KIAA1958: variants seen among roughly 807,000 people sequenced by gnomAD.
The protein encoded by KIAA1958 is KIAA1958, also known as uncharacterized protein KIAA1958.
Under a neutral mutation model 47.2 loss-of-function variants are expected in KIAA1958, and 14 were observed. That is an observed-to-expected ratio of 0.30 (90% confidence interval 0.20 to 0.46). KIAA1958 has a LOEUF of 0.46. Ranked by LOEUF, KIAA1958 falls within the 20% of genes least tolerant of loss-of-function variation. The pLI is 1.00. For missense variants in KIAA1958, 803 were observed against 909.2 expected (o/e 0.88, Z 1.50); for synonymous variants, 354 against 353.3 (o/e 1.00, Z -0.02).
At chr9:112,651,630 A>C (rs980949429) in intron 3 of KIAA1958, among the ~76,000 whole-genome samples, 8 of 152,138 alleles carry the variant, frequency 5.3e-5, no homozygotes, top group Non-Finnish European at 7.4e-5. Context: ...TCCTGACCTC[A>C]GGTGATCCTC....
intron 1 of KIAA1958, among the ~76,000 whole-genome samples, chr9:112,557,310 A>G (rs1176396064): frequency 6.6e-6 from 1 of 152,118 alleles, no homozygotes; most frequent in Non-Finnish European, 1.5e-5. Flanking sequence ...CAAGGTGCTA[A>G]AGACAGTGCT....
intron 1 of KIAA1958, among the ~76,000 whole-genome samples, chr9:112,532,948 A>G (rs1834775327): frequency 1.3e-5 from 2 of 152,228 alleles, no homozygotes; most frequent in African/African-American, 4.8e-5. Context: ...ACCATATAAT[A>G]AAGCATTTTA....
At chr9:112,650,771 G>A (rs182214292) in intron 3 of KIAA1958, among the ~76,000 whole-genome samples, 40 of 152,214 alleles carry the variant, frequency 2.6e-4, no homozygotes, top group African/African-American at 8.7e-4. Context: ...AAAAAAGCAA[G>A]GACCAACTAT....
intron 3 of KIAA1958, among the ~76,000 whole-genome samples, chr9:112,657,051 A>G (rs1052339555): frequency 1.3e-5 from 2 of 151,904 alleles, no homozygotes; most frequent in Non-Finnish European, 2.9e-5. Context: ...TATCTATCCC[A>G]ATTTATTTCT....
chr9:112,624,513 G>T (rs947392884), intron 2 of KIAA1958, among the ~76,000 whole-genome samples: 2 of 152,194 alleles, frequency 1.3e-5, no homozygotes, highest in African/African-American at 4.8e-5. Context: ...GGGAGTTGGT[G>T]TATTTCTAGT....
intron 1 of KIAA1958, among the ~76,000 whole-genome samples, chr9:112,552,802 C>T (rs1473220968): frequency 2.6e-5 from 4 of 152,184 alleles, no homozygotes; most frequent in Non-Finnish European, 5.9e-5. Flanking sequence ...TTCAACAACT[C>T]TTAGCTCCAA....
chr9:112,512,629 A>G (rs1284981274), intron 1 of KIAA1958, among the ~76,000 whole-genome samples: 1 of 151,980 alleles, frequency 6.6e-6, no homozygotes, highest in Non-Finnish European at 1.5e-5. Flanking sequence ...CTGAGCACGT[A>G]GCATGTAAGT....
chr9:112,555,909 T>C lies in KIAA1958; in HGVS notation c.-24-18148T>C, dbSNP rs1305335767. 5.9e-5 allele frequency among the ~76,000 whole-genome samples: 9 copies of C among 152,270 alleles called. No individual in the cohort carries two copies. The South Asian group carries it at 1.4e-3, about 25-fold the overall frequency. On this transcript the variant is annotated intron_variant, in intron 1 of 3. Coordinates refer to ENST00000337530, the MANE Select transcript of KIAA1958 (RefSeq NM_133465.4). ...GGCCAACATGGTAAAACCCCGTCTC[T>C]ACTAAAAATACAAAAATTAGCTGGT...
intron 1 of KIAA1958, among the ~76,000 whole-genome samples, chr9:112,565,365 A>G (rs1370088472): frequency 1.3e-5 from 2 of 152,202 alleles, no homozygotes; most frequent in African/African-American, 4.8e-5. Context: ...TGGCCTCCCA[A>G]AGTGCTGGGA....
At chr9:112,548,732 C>T (rs140431992) in intron 1 of KIAA1958, among the ~76,000 whole-genome samples, 2 of 152,288 alleles carry the variant, frequency 1.3e-5, no homozygotes, top group African/African-American at 4.8e-5. Context: ...ATAATTTCAG[C>T]ATCTTGTTTT....
intron 1 of KIAA1958, among the ~76,000 whole-genome samples, chr9:112,539,682 A>T (rs894863834): frequency 2.7e-5 from 4 of 150,116 alleles, no homozygotes; most frequent in Non-Finnish European, 5.9e-5. Context: ...ATATATATAT[A>T]TTTTTTTTGC....
chr9:112,581,046 G>A lies in KIAA1958; in HGVS notation c.1171+5795G>A, dbSNP rs78434262. Reference sequence around the variant, plus strand: ...GGCCACCCGGAGCTTAGAGTCTGATGTGTTTATTTATTTTTATTTTTTTCT... The same window carrying A: ...GGCCACCCGGAGCTTAGAGTCTGATATGTTTATTTATTTTTATTTTTTTCT... On this transcript the variant is annotated intron_variant, in intron 2 of 3. Transcript: ENST00000337530. Among the ~76,000 whole-genome samples the A allele has an allele frequency of 5.3e-3, 800 of 152,256 alleles. 10 individuals carry two copies. The highest frequency in any genetic ancestry group is 0.018 in the African/African-American group (763 of 41,554).
At chr9:112,645,870 C>A (rs1433254115) in intron 3 of KIAA1958, 48 bp downstream of exon 3, 1 of 1,557,124 alleles carries the variant, frequency 6.4e-7, no homozygotes, top group Admixed American at 1.8e-5. Context: ...CACTGAGCTT[C>A]CAAATGCCAG....
At chr9:112,583,408 G>T (rs1564181025) in intron 2 of KIAA1958, among the ~76,000 whole-genome samples, 1 of 152,174 alleles carries the variant, frequency 6.6e-6, no homozygotes, top group Non-Finnish European at 1.5e-5. Flanking sequence ...AACTACTTTG[G>T]AGAGCAATTT....
chr9:112,491,016 G>C (rs1261576187), intron 1 of KIAA1958, among the ~76,000 whole-genome samples: 1 of 152,198 alleles, frequency 6.6e-6, no homozygotes, highest in Non-Finnish European at 1.5e-5. Context: ...CACCCACGCT[G>C]GAATACAGTG....
chr9:112,588,363 C>T (rs1490795438), intron 2 of KIAA1958, among the ~76,000 whole-genome samples: 1 of 152,112 alleles, frequency 6.6e-6, no homozygotes, highest in Non-Finnish European at 1.5e-5. Context: ...ATGACTTAAT[C>T]CATGTAAAGG....
chr9:112,563,720 C>T (rs941487635), intron 1 of KIAA1958, among the ~76,000 whole-genome samples: 5 of 151,902 alleles, frequency 3.3e-5, no homozygotes, highest in Non-Finnish European at 7.4e-5. Context: ...TCTCCTCCCT[C>T]CTCACCCCCG....
At chr9:112,516,342 A>G (rs1305906659) in intron 1 of KIAA1958, among the ~76,000 whole-genome samples, 3 of 152,202 alleles carry the variant, frequency 2.0e-5, no homozygotes, top group African/African-American at 7.2e-5. Context: ...ATTGACATTT[A>G]AAAATACCAT....
chr9:112,511,866 T>C (rs1049778205), intron 1 of KIAA1958, among the ~76,000 whole-genome samples: 2 of 152,142 alleles, frequency 1.3e-5, no homozygotes, highest in Admixed American at 1.3e-4. Flanking sequence ...TCTACAGATA[T>C]TAAAAGGATA....
Sources: allele counts gnomAD v4.1 joint callset (sites outside exome capture counted in the v4.1 genomes callset), GRCh38; gene constraint gnomAD v4.1.1; transcripts MANE v1.5; gene names NCBI Gene and HGNC (gene_info 2026-07-23, HGNC 2026-07-21).